RAD51: variants seen among roughly 807,000 people sequenced by gnomAD.
RAD51 encodes DNA repair protein RAD51 homolog 1.
In RAD51, 14 loss-of-function variants were observed where a neutral mutation model predicts 41.5. The ratio of observed to expected loss-of-function variants is 0.34; its 90% CI spans 0.22 to 0.53. The LOEUF is 0.53. Among genes scored for constraint, RAD51 ranks in the 20% least tolerant of loss-of-function variants. RAD51 has a pLI of 0.95. For synonymous variants in RAD51, 136 were observed against 148.6 expected (o/e 0.92, Z 0.62); for missense variants, 234 against 422.0 (o/e 0.55, Z 3.90).
At chr15:40,708,965 A>G (rs1295667329) in intron 4 of RAD51, 60 bp from the exon 5 acceptor site, 4 of 1,385,964 alleles carry the variant, frequency 2.9e-6, no homozygotes, top group African/African-American at 1.4e-5. Context: ...GAACATTTCT[A>G]TGACTACAGT....
chr15:40,715,199 T>C (rs1895925269), intron 5 of RAD51, among the ~76,000 whole-genome samples: 1 of 151,818 alleles, frequency 6.6e-6, no homozygotes. Flanking sequence ...CTACTAAAAA[T>C]ACAAAAATTA....
intron 5 of RAD51, among the ~76,000 whole-genome samples, chr15:40,715,228 C>T (rs951430186): frequency 6.6e-6 from 1 of 151,630 alleles, no homozygotes; most frequent in Non-Finnish European, 1.5e-5. Flanking sequence ...TGGGGGTGGG[C>T]GCCTGTAATC....
intron 5 of RAD51, among the ~76,000 whole-genome samples, chr15:40,716,010 T>G (rs1022987762): frequency 6.6e-6 from 1 of 152,160 alleles, no homozygotes; most frequent in Non-Finnish European, 1.5e-5. Flanking sequence ...TTCCATGGAT[T>G]CCCATGATGT....
intron 6 of RAD51, among the ~76,000 whole-genome samples, chr15:40,719,463 G>T (rs1010701789): frequency 1.3e-5 from 2 of 152,084 alleles, no homozygotes; most frequent in Non-Finnish European, 2.9e-5. Flanking sequence ...AAAGAATGGA[G>T]AAAGATATTG....
At chr15:40,707,150 ATT>A (rs751900607) in intron 4 of RAD51, among the ~76,000 whole-genome samples, 7 of 93,620 alleles carry the variant, frequency 7.5e-5, no homozygotes, top group African/African-American at 2.1e-4. Context: ...CACCTGGCTA[ATT>A]TTTTTTTTTT....
At chr15:40,710,292 A>C (rs912058234) in intron 5 of RAD51, among the ~76,000 whole-genome samples, 1 of 146,512 alleles carries the variant, frequency 6.8e-6, no homozygotes, top group African/African-American at 2.5e-5. Flanking sequence ...AAAAAAGATC[A>C]GGAGTTCAAG....
chr15:40,701,357 TTTTC>T (rs1423868772), intron 3 of RAD51, among the ~76,000 whole-genome samples, 156 bp downstream of exon 3: 1 of 147,858 alleles, frequency 6.8e-6, no homozygotes, highest in Non-Finnish European at 1.5e-5. Flanking sequence ...TTTTCTTTTC[TTTTC>T]TTTTTTTTTT....
rs544587508 is a variant in RAD51 at position 40,708,507 on chromosome 15, T to C, written c.344-518T>C. ...CCCCCTAAAGTGCTGGGATTACAGG[T>C]GTGAGCCACCGCACCTGGCCTTATT... On this transcript the variant is annotated intron_variant, in intron 4 of 9. Coordinates refer to ENST00000267868, the MANE Select transcript of RAD51 (RefSeq NM_002875.5). Among the ~76,000 whole-genome samples the C allele has an allele frequency of 1.2e-4, 17 of 144,280 alleles. No individual in the cohort carries two copies. The East Asian group carries it at 3.6e-3, about 31-fold the overall frequency. The allele number at this position is 144,280 out of a possible 152,430, so 94.7% of individuals were successfully genotyped here. A position where few individuals can be genotyped will look rare whatever the true frequency, so the allele number is the denominator to read the frequency against.
intron 3 of RAD51, among the ~76,000 whole-genome samples, chr15:40,705,322 T>G (rs1895262607): frequency 1.3e-5 from 2 of 152,334 alleles, no homozygotes; most frequent in South Asian, 4.1e-4. Flanking sequence ...AATTTTAGAA[T>G]CAACCCATAG....
chr15:40,699,200 A>G (rs1894834318), intron 2 of RAD51, among the ~76,000 whole-genome samples: 2 of 152,062 alleles, frequency 1.3e-5, no homozygotes, highest in Admixed American at 6.6e-5. Flanking sequence ...CTGGAGTGCA[A>G]TGGCGTGATC....
chr15:40,706,541 T>G (rs1048665216), intron 4 of RAD51, among the ~76,000 whole-genome samples: 5 of 152,016 alleles, frequency 3.3e-5, no homozygotes, highest in African/African-American at 4.8e-5. Flanking sequence ...AATACAAAAT[T>G]AGTTGGGCAT....
At chr15:40,729,998 C>T (rs4423392) in intron 9 of RAD51, 24 bp downstream of exon 9, 3 of 1,612,380 alleles carry the variant, frequency 1.9e-6, no homozygotes, top group Non-Finnish European at 2.5e-6. Context: ...GGGATCAGTT[C>T]TTCTTTTCGG....
At chr15:40,698,455 G>C (rs576556967) in intron 1 of RAD51, among the ~76,000 whole-genome samples, 1 of 152,178 alleles carries the variant, frequency 6.6e-6, no homozygotes, top group African/African-American at 2.4e-5. Context: ...CAAAGTGCTG[G>C]GATCACAGGC....
At chr15:40,725,899 TCACTTGAAC>T (rs1404452324) in intron 6 of RAD51, among the ~76,000 whole-genome samples, 4 of 151,982 alleles carry the variant, frequency 2.6e-5, no homozygotes, top group Non-Finnish European at 5.9e-5. Context: ...GGCAGGAGAA[TCACTTGAAC>T]CCAGGAGGCG....
At chr15:40,702,674 C>T (rs1895077314) in intron 3 of RAD51, among the ~76,000 whole-genome samples, 3 of 152,184 alleles carry the variant, frequency 2.0e-5, no homozygotes, top group East Asian at 1.9e-4. Context: ...CCCACCACCA[C>T]ACGTGGCTAA....
Position 40,696,708 on chromosome 15 carries a change from T to G in RAD51, c.-3+1283T>G, listed in dbSNP as rs184450679. Among the ~76,000 whole-genome samples, 599 of 152,358 alleles carry G rather than the reference T, an allele frequency of 3.9e-3. 3 individuals are homozygous for G. Among genetic ancestry groups the G allele is most frequent in the Non-Finnish European group, 5.5e-3 (373 of 68,034 alleles). Reference sequence around the variant, plus strand: ...GAACTAATGTTGCTTGTTTTTGAATTTTATATAAAAATACATCAGGAGTGT... The same window carrying G: ...GAACTAATGTTGCTTGTTTTTGAATGTTATATAAAAATACATCAGGAGTGT... On this transcript the variant is annotated intron_variant, in intron 1 of 9. Transcript: ENST00000267868.
At chr15:40,714,194 TATG>T in intron 5 of RAD51, among the ~76,000 whole-genome samples, 1 of 152,098 alleles carries the variant, frequency 6.6e-6, no homozygotes, top group Middle Eastern at 3.4e-3. Flanking sequence ...GGAGACCTTT[TATG>T]ATAATAAGGG....
intron 3 of RAD51, among the ~76,000 whole-genome samples, chr15:40,704,289 C>T (rs1417503845): frequency 6.6e-6 from 1 of 151,390 alleles, no homozygotes; most frequent in Non-Finnish European, 1.5e-5. Flanking sequence ...TGGTCTTGAT[C>T]TCCTGACCTC....
intron 5 of RAD51, among the ~76,000 whole-genome samples, chr15:40,718,511 C>T (rs965382189): frequency 1.7e-5 from 2 of 114,946 alleles, no homozygotes; most frequent in Middle Eastern, 4.1e-3. Context: ...GTGAGACTAT[C>T]GCAAGAAAAA....
Sources: gnomAD v4.1 joint callset for allele counts (sites outside exome capture counted in the v4.1 genomes callset) on GRCh38, gnomAD v4.1.1 for gene constraint, MANE v1.5 for transcripts, NCBI Gene and HGNC (gene_info 2026-07-23, HGNC 2026-07-21) for gene names.